The following CAMK2D variants were observed in gnomAD, a reference collection of about 807,000 sequenced individuals.
CAMK2D encodes the protein calcium/calmodulin dependent protein kinase II delta.
Under a neutral mutation model 84.0 loss-of-function variants are expected in CAMK2D, and 37 were observed. That is an observed-to-expected ratio of 0.44 (90% CI 0.34 to 0.58). The LOEUF (loss-of-function observed/expected upper bound fraction) is 0.58, where lower values mean the gene tolerates loss of function less well. Among genes scored for constraint, CAMK2D ranks in the 20% least tolerant of loss-of-function variants. CAMK2D has a pLI of 0.02. For missense variants in CAMK2D, 448 were observed against 652.5 expected, an observed-to-expected ratio of 0.69 and a Z score of 3.41; for synonymous variants, 202 against 212.5, an observed-to-expected ratio of 0.95 and a Z score of 0.43.
intron 19 of CAMK2D, chr4:113,456,926 A>T (rs10009243): frequency 0.031 from 5,248 of 168,480 alleles, 96 homozygotes; most frequent in African/African-American, 0.039. Context: ...GCTTTAGGGG[A>T]TCATCTATGA....
rs572666622 is a variant in CAMK2D at position 113,581,967 on chromosome 4, C to T, written c.275+27185G>A. On this transcript the variant is annotated intron_variant, in intron 4 of 20. Transcript: ENST00000511664. ...CTCCCTTTCCATGACGAGAAAGGGACGCTGGCTCAATGATTCTCTGTCTGC... is the reference window on the plus strand; with the variant it reads ...CTCCCTTTCCATGACGAGAAAGGGATGCTGGCTCAATGATTCTCTGTCTGC... Among the ~76,000 whole-genome samples, 4 of 152,252 alleles carry T rather than the reference C, an allele frequency of 2.6e-5. No individual in the cohort carries two copies. In the East Asian group the frequency reaches 5.8e-4, roughly 22 times the overall value.
intron 2 of CAMK2D, among the ~76,000 whole-genome samples, chr4:113,715,417 C>A (rs954641863): frequency 6.6e-6 from 1 of 151,862 alleles, no homozygotes; most frequent in Non-Finnish European, 1.5e-5. Flanking sequence ...TCCTTTTATT[C>A]TCATATGCTA....
rs114314220 is a variant in CAMK2D at position 113,641,660 on chromosome 4, T to A, written c.220+20053A>T. On this transcript the variant is annotated intron_variant, in intron 3 of 20. Transcript: ENST00000511664. ...ACATTATCACTAGCACAACGTTTTT[T>A]ATAAATTGTGGCTTTGAAAACCTGT... 4.1e-3 allele frequency among the ~76,000 whole-genome samples: 619 copies of A among 152,336 alleles called. 7 individuals are homozygous for A. The highest frequency in any genetic ancestry group is 0.014 in the African/African-American group (572 of 41,576).
At chr4:113,503,815 TAA>T (rs1449900940) in intron 14 of CAMK2D, among the ~76,000 whole-genome samples, 3 of 152,110 alleles carry the variant, frequency 2.0e-5, no homozygotes, top group Non-Finnish European at 4.4e-5. Flanking sequence ...ATAACTGATG[TAA>T]AAAAAGATTC....
chr4:113,483,570 T>C (rs1168439637), intron 16 of CAMK2D, among the ~76,000 whole-genome samples: 1 of 152,040 alleles, frequency 6.6e-6, no homozygotes, highest in Non-Finnish European at 1.5e-5. Flanking sequence ...CACACCCGGC[T>C]AATTTTCGTG....
At chr4:113,632,512 C>CA (rs2099093938) in intron 3 of CAMK2D, among the ~76,000 whole-genome samples, 1 of 151,836 alleles carries the variant, frequency 6.6e-6, no homozygotes, top group Non-Finnish European at 1.5e-5. Flanking sequence ...TGTGAGCCAC[C>CA]ACGCCCGGCC....
At chr4:113,469,565 T>G (rs977286455) in intron 16 of CAMK2D, among the ~76,000 whole-genome samples, 14 of 152,180 alleles carry the variant, frequency 9.2e-5, no homozygotes, top group African/African-American at 3.4e-4. Context: ...TTCCAATGAC[T>G]CCCAAATTGT....
chr4:113,507,863 G>T (rs1055915548), intron 13 of CAMK2D, among the ~76,000 whole-genome samples: 4 of 151,500 alleles, frequency 2.6e-5, no homozygotes, highest in African/African-American at 9.7e-5. Context: ...AATGTATTAT[G>T]GTGTCCTATA....
intron 3 of CAMK2D, among the ~76,000 whole-genome samples, chr4:113,610,850 C>T (rs950899226): frequency 2.0e-5 from 3 of 152,110 alleles, no homozygotes; most frequent in Non-Finnish European, 2.9e-5. Context: ...CCTTTAATAC[C>T]TTTCCCTTCT....
intron 2 of CAMK2D, among the ~76,000 whole-genome samples, chr4:113,731,579 T>C (rs79870096): frequency 0.011 from 1,577 of 150,162 alleles, 45 homozygotes; most frequent in African/African-American, 0.037. Context: ...TAAGCCAGGG[T>C]TATTGCTTTT....
intron 16 of CAMK2D, 23 bp from the exon 17 acceptor site, chr4:113,465,627 G>A: frequency 7.0e-7 from 1 of 1,438,796 alleles, no homozygotes; most frequent in Non-Finnish European, 9.8e-7. Context: ...ATATGGAGTT[G>A]GGTAAGAATA....
chr4:113,746,815 C>G (rs1163416191), intron 2 of CAMK2D, among the ~76,000 whole-genome samples: 1 of 151,764 alleles, frequency 6.6e-6, no homozygotes, highest in African/African-American at 2.4e-5. Context: ...AGGAGTGACT[C>G]TGATACTAAA....
intron 14 of CAMK2D, 52 bp downstream of exon 14, chr4:113,504,924 A>AG: frequency 9.7e-7 from 1 of 1,034,276 alleles, no homozygotes; most frequent in South Asian, 2.2e-5. Context: ...GAAACCACAA[A>AG]AAAAAAAAAA....
chr4:113,540,733 C>T (rs1020928885), intron 6 of CAMK2D, among the ~76,000 whole-genome samples: 6 of 152,212 alleles, frequency 3.9e-5, no homozygotes, highest in African/African-American at 1.4e-4. Flanking sequence ...TTAGCTACTA[C>T]ATTCCAGTGC....
At chr4:113,563,619 T>C (rs1464763027) in intron 4 of CAMK2D, among the ~76,000 whole-genome samples, 2 of 152,216 alleles carry the variant, frequency 1.3e-5, no homozygotes, top group Non-Finnish European at 1.5e-5. Context: ...TGGTGGATGG[T>C]GCTATCCCAC....
intron 11 of CAMK2D, 123 bp from the exon 12 acceptor site, chr4:113,513,493 G>T: frequency 5.4e-6 from 4 of 739,630 alleles, no homozygotes; most frequent in Non-Finnish European, 9.5e-6. Flanking sequence ...ATTTTTTATT[G>T]TTTGTTTTTG....
chr4:113,760,596 G>A (rs1212797227), intron 1 of CAMK2D, among the ~76,000 whole-genome samples: 4 of 152,176 alleles, frequency 2.6e-5, no homozygotes, highest in African/African-American at 4.8e-5. Context: ...CTAACCAGGA[G>A]GCATCTCTAT....
At chr4:113,692,777 A>C (rs1252111216) in intron 2 of CAMK2D, among the ~76,000 whole-genome samples, 2 of 151,268 alleles carry the variant, frequency 1.3e-5, no homozygotes, top group Admixed American at 6.6e-5. Flanking sequence ...CAGTGTATAT[A>C]TCTGTGTGTG....
intron 4 of CAMK2D, among the ~76,000 whole-genome samples, chr4:113,591,103 A>T (rs1048355108): frequency 2.0e-5 from 3 of 152,094 alleles, no homozygotes; most frequent in Admixed American, 6.5e-5. Context: ...TTGTTTGTCA[A>T]GTCACATAGC....
Sources: gnomAD v4.1 joint callset for allele counts (sites outside exome capture counted in the v4.1 genomes callset) on GRCh38, gnomAD v4.1.1 for gene constraint, MANE v1.5 for transcripts, NCBI Gene and HGNC (gene_info 2026-07-23, HGNC 2026-07-21) for gene names.